Variants in SOX6 observed in about 807,000 individuals in gnomAD.
SOX6 encodes the protein SRY-box transcription factor 6, also known as transcription factor SOX-6.
Under a neutral mutation model 97.8 loss-of-function variants are expected in SOX6, and 11 were observed. The observed-to-expected ratio is 0.11, with a 90% CI of 0.07 to 0.19. The LOEUF is 0.19. SOX6 is among the 10% of genes least tolerant of loss of function. The pLI is 1.00. For missense variants in SOX6, 810 were observed against 1,039.5 expected (o/e 0.78, Z 3.04); for synonymous variants, 360 against 371.4 (o/e 0.97, Z 0.35).
At chr11:16,479,730 G>A (rs1248094029), upstream of SOX6, among the ~76,000 whole-genome samples, 4 of 152,026 alleles carry the variant, frequency 2.6e-5, no homozygotes. Flanking sequence ...GTGAGAGTGT[G>A]GAAAAATAAG....
intron 7 of SOX6, among the ~76,000 whole-genome samples, chr11:16,102,624 A>G (rs1011236587): frequency 1.3e-5 from 2 of 151,994 alleles, no homozygotes; most frequent in African/African-American, 2.4e-5. Flanking sequence ...CTGACTGCAA[A>G]CTATACTATA....
intron 6 of SOX6, among the ~76,000 whole-genome samples, chr11:16,172,981 C>T (rs966651660): frequency 6.6e-6 from 1 of 151,902 alleles, no homozygotes; most frequent in Non-Finnish European, 1.5e-5. Context: ...CAGTTATCAT[C>T]TCCATGCCTT....
At position 15,972,447 on chromosome 11, in the gene SOX6, C is replaced by G; in HGVS notation, c.*362G>C. On this transcript the variant is annotated 3_prime_UTR_variant, in exon 16 of 16. Transcript: ENST00000683767. The stretch of plus-strand genomic sequence containing the variant: ...AGCATACCTGAGTGAGAATGTTTAA[C>G]CCCATCTAAAACAGTAACTTAAACC... 3.7e-6 allele frequency: 1 copy of G among 270,946 alleles called. No homozygotes were observed. The highest frequency in any genetic ancestry group is 4.2e-5 in the South Asian group (1 of 24,018). 16.8% of individuals were successfully genotyped at this position (270,946 alleles called of 1,614,324 possible). A position where few individuals can be genotyped will look rare whatever the true frequency, so the allele number is the denominator to read the frequency against.
chr11:16,729,831 C>A (rs1397707432), intron 2 of SOX6, among the ~76,000 whole-genome samples: 1 of 151,848 alleles, frequency 6.6e-6, no homozygotes, highest in Admixed American at 6.6e-5. Context: ...ACCCATCTCA[C>A]GTGCAAAGAC....
At chr11:16,486,264 T>C (rs1860432046) in intron 4 of SOX6, among the ~76,000 whole-genome samples, 1 of 152,040 alleles carries the variant, frequency 6.6e-6, no homozygotes. Context: ...CAAATAAAAA[T>C]TTGGCAGTGG....
At chr11:16,228,697 A>G (rs986999521) in intron 4 of SOX6, among the ~76,000 whole-genome samples, 21 of 152,146 alleles carry the variant, frequency 1.4e-4, no homozygotes, top group African/African-American at 4.3e-4. Flanking sequence ...TAACTATGTG[A>G]GGTGATGCAT....
intron 4 of SOX6, among the ~76,000 whole-genome samples, chr11:16,208,742 T>A (rs1214530000): frequency 2.6e-5 from 4 of 152,190 alleles, no homozygotes; most frequent in African/African-American, 9.7e-5. Flanking sequence ...ATGTCAACAT[T>A]TGGAAGTTCT....
intron 2 of SOX6, among the ~76,000 whole-genome samples, chr11:16,716,690 C>A (rs576134040): frequency 6.6e-6 from 1 of 151,948 alleles, no homozygotes; most frequent in South Asian, 2.1e-4. Context: ...AACTCACATA[C>A]CCATCAACAA....
chr11:16,304,966 T>C (rs2134279759), intron 3 of SOX6, among the ~76,000 whole-genome samples: 1 of 151,966 alleles, frequency 6.6e-6, no homozygotes, highest in East Asian at 1.9e-4. Flanking sequence ...ACTACACATC[T>C]TTCAGAAAAA....
chr11:16,479,494 C>T (rs1860306877), upstream of SOX6, among the ~76,000 whole-genome samples: 1 of 150,174 alleles, frequency 6.7e-6, no homozygotes, highest in East Asian at 2.0e-4. Flanking sequence ...TGCGTTACTG[C>T]ACTCCAACCC....
At chr11:16,302,961 TTATGAGCTACTAAAAAACAA>T (rs1194909818) in intron 3 of SOX6, among the ~76,000 whole-genome samples, 1 of 147,662 alleles carries the variant, frequency 6.8e-6, no homozygotes, top group East Asian at 2.0e-4. Context: ...TCCTACTAAA[TTATGAGCTACTAAAAAACAA>T]TATTTATCTC....
intron 3 of SOX6, among the ~76,000 whole-genome samples, chr11:16,679,020 C>T (rs543289919): frequency 1.3e-5 from 2 of 152,372 alleles, no homozygotes; most frequent in Non-Finnish European, 2.9e-5. Context: ...CTAGATTCCA[C>T]CTCTGTGGGA....
chr11:16,278,160 T>C (rs1175021181), intron 3 of SOX6, among the ~76,000 whole-genome samples: 1 of 152,198 alleles, frequency 6.6e-6, no homozygotes, highest in African/African-American at 2.4e-5. Context: ...GACTTTCCTC[T>C]TTTGCTACTA....
At chr11:16,565,825 A>G (rs577391273) in intron 4 of SOX6, among the ~76,000 whole-genome samples, 14 of 152,112 alleles carry the variant, frequency 9.2e-5, no homozygotes, top group South Asian at 2.1e-4. Flanking sequence ...GGCCGGGCGC[A>G]GTGGCTCACA....
intron 6 of SOX6, among the ~76,000 whole-genome samples, chr11:16,138,697 C>G (rs1456564880): frequency 6.6e-6 from 1 of 151,946 alleles, no homozygotes; most frequent in Non-Finnish European, 1.5e-5. Context: ...CTATCCCTCC[C>G]CCCTCCTCCC....
chr11:16,323,137 A>G (rs553941101), intron 2 of SOX6, among the ~76,000 whole-genome samples: 1 of 152,168 alleles, frequency 6.6e-6, no homozygotes. Context: ...CCTAGTCCCA[A>G]ATAAAGGAAA....
intron 1 of SOX6, among the ~76,000 whole-genome samples, chr11:16,447,881 T>G (rs1241627397): frequency 6.6e-6 from 1 of 152,194 alleles, no homozygotes; most frequent in African/African-American, 2.4e-5. Flanking sequence ...TTCACTTCAG[T>G]CTTACATCCA....
At chr11:16,077,817 G>C (rs1448094210) in intron 9 of SOX6, among the ~76,000 whole-genome samples, 1 of 152,104 alleles carries the variant, frequency 6.6e-6, no homozygotes, top group Non-Finnish European at 1.5e-5. Context: ...AAGGCAGAGA[G>C]TAAGAGGAGG....
chr11:16,548,701 G>A (rs748673681), intron 4 of SOX6, among the ~76,000 whole-genome samples: 1 of 152,104 alleles, frequency 6.6e-6, no homozygotes, highest in Non-Finnish European at 1.5e-5. Context: ...GAAGATGTTG[G>A]TCAAAGGATG....
Sources: gnomAD v4.1 joint callset for allele counts (sites outside exome capture counted in the v4.1 genomes callset) on GRCh38, gnomAD v4.1.1 for gene constraint, MANE v1.5 for transcripts, NCBI Gene and HGNC (gene_info 2026-07-23, HGNC 2026-07-21) for gene names.